Variants in ESRRG observed in about 807,000 individuals in gnomAD.
ESRRG encodes estrogen related receptor gamma.
A neutral mutation model predicts 44.0 loss-of-function variants in ESRRG; 13 were observed. That is an observed-to-expected ratio of 0.30 (90% CI 0.19 to 0.47). The LOEUF (loss-of-function observed/expected upper bound fraction) is 0.47. Among genes scored for constraint, ESRRG ranks in the 20% least tolerant of loss-of-function variants. The pLI is 1.00. For synonymous variants in ESRRG, 215 were observed against 214.6 expected (o/e 1.00, Z -0.02); for missense variants, 395 against 580.6 (o/e 0.68, Z 3.29).
intron 1 of ESRRG, among the ~76,000 whole-genome samples, chr1:217,015,543 C>T (rs1267473266): frequency 6.6e-6 from 1 of 152,016 alleles, no homozygotes; most frequent in East Asian, 1.9e-4. Flanking sequence ...GTGTTTATGT[C>T]ATCCTGATAC....
intron 5 of ESRRG, among the ~76,000 whole-genome samples, chr1:216,534,766 G>A (rs770082931): frequency 2.6e-5 from 4 of 152,118 alleles, no homozygotes; most frequent in Non-Finnish European, 5.9e-5. Flanking sequence ...TTTGACAACC[G>A]TAGGGGTACA....
chr1:217,051,212 G>GA (rs1260907527), intron 1 of ESRRG, among the ~76,000 whole-genome samples: 2 of 124,082 alleles, frequency 1.6e-5, no homozygotes, highest in East Asian at 6.2e-4. Flanking sequence ...GGCGGGGGGG[G>GA]GGGGTGCCAG....
At chr1:217,080,519 G>C (rs766880771) in intron 1 of ESRRG, among the ~76,000 whole-genome samples, 1 of 152,024 alleles carries the variant, frequency 6.6e-6, no homozygotes, top group Non-Finnish European at 1.5e-5. Flanking sequence ...CACGTATCCC[G>C]TACACTGTAG....
intron 2 of ESRRG, among the ~76,000 whole-genome samples, chr1:216,773,770 TG>T (rs760845584): frequency 4.0e-5 from 6 of 151,874 alleles, no homozygotes; most frequent in Non-Finnish European, 7.4e-5. Context: ...AGATGAACAG[TG>T]GGGAGTAAAA....
chr1:216,989,002 C>T (rs570128127), intron 1 of ESRRG, among the ~76,000 whole-genome samples: 1 of 152,296 alleles, frequency 6.6e-6, no homozygotes, highest in East Asian at 1.9e-4. Context: ...CACACTTCCA[C>T]CATGAGACTT....
chr1:216,622,864 A>G (rs896935881), intron 3 of ESRRG, among the ~76,000 whole-genome samples: 13 of 152,058 alleles, frequency 8.5e-5, no homozygotes, highest in African/African-American at 3.1e-4. Flanking sequence ...GAATCTCTCT[A>G]TTTTTAGATG....
intron 1 of ESRRG, among the ~76,000 whole-genome samples, chr1:216,961,007 TC>T (rs2068934996): frequency 6.6e-6 from 1 of 152,154 alleles, no homozygotes; most frequent in African/African-American, 2.4e-5. Context: ...GCTTCTTTCA[TC>T]AGACATCAAA....
At chr1:216,969,020 A>T (rs899994767) in intron 1 of ESRRG, among the ~76,000 whole-genome samples, 1 of 151,966 alleles carries the variant, frequency 6.6e-6, no homozygotes, top group Non-Finnish European at 1.5e-5. Context: ...CTTTGCTTCC[A>T]CTCTTTCTAG....
At chr1:216,649,156 G>A (rs1384691723) in intron 3 of ESRRG, among the ~76,000 whole-genome samples, 1 of 152,008 alleles carries the variant, frequency 6.6e-6, no homozygotes, top group Non-Finnish European at 1.5e-5. Context: ...TGTCCTTCTG[G>A]CAATTTCACA....
chr1:216,904,524 C>T (rs1256576765), intron 2 of ESRRG, among the ~76,000 whole-genome samples: 7 of 152,114 alleles, frequency 4.6e-5, no homozygotes, highest in African/African-American at 1.4e-4. Context: ...TACTATTTTT[C>T]CCCCCTTCTT....
intron 2 of ESRRG, among the ~76,000 whole-genome samples, chr1:216,878,433 G>A (rs1268750484): frequency 6.6e-6 from 1 of 152,090 alleles, no homozygotes; most frequent in African/African-American, 2.4e-5. Flanking sequence ...ATAAGTTAAT[G>A]TCTGCCTTAA....
At chr1:217,088,957 T>C (rs1359371056) in intron 1 of ESRRG, among the ~76,000 whole-genome samples, 1 of 151,642 alleles carries the variant, frequency 6.6e-6, no homozygotes, top group African/African-American at 2.4e-5. Context: ...CTCGGGAAGG[T>C]GAAAGGGTTG....
intron 1 of ESRRG, among the ~76,000 whole-genome samples, chr1:217,044,233 T>G (rs532149473): frequency 3.3e-5 from 5 of 152,284 alleles, no homozygotes; most frequent in Non-Finnish European, 7.4e-5. Flanking sequence ...TTTGGCTACA[T>G]GGAAGTCCTT....
At chr1:216,800,220 C>A (rs368980101) in intron 2 of ESRRG, among the ~76,000 whole-genome samples, 1 of 152,080 alleles carries the variant, frequency 6.6e-6, no homozygotes, top group Admixed American at 6.6e-5. Flanking sequence ...GTCACCAATG[C>A]CCCCAGCACA....
At chr1:216,937,286 C>CA (rs1316734731) in intron 2 of ESRRG, among the ~76,000 whole-genome samples, 1 of 151,782 alleles carries the variant, frequency 6.6e-6, no homozygotes, top group Non-Finnish European at 1.5e-5. Flanking sequence ...CTCGTTTTGC[C>CA]AAAAAGGTAT....
At chr1:216,702,161 A>T (rs931911861) in intron 1 of ESRRG, among the ~76,000 whole-genome samples, 6 of 152,228 alleles carry the variant, frequency 3.9e-5, no homozygotes, top group African/African-American at 1.4e-4. Context: ...AATTTCTTAC[A>T]TATAGTTAGA....
intron 2 of ESRRG, among the ~76,000 whole-genome samples, chr1:216,891,868 C>T (rs1254478338): frequency 7.0e-6 from 1 of 143,776 alleles, no homozygotes; most frequent in African/African-American, 2.6e-5. Flanking sequence ...GGCACCATCT[C>T]AGCTCCCCAC....
chr1:216,893,091 C>T (rs2058012423), intron 2 of ESRRG, among the ~76,000 whole-genome samples: 1 of 152,184 alleles, frequency 6.6e-6, no homozygotes. Flanking sequence ...ATGTACCAAA[C>T]TCAACAAACT....
chr1:216,894,941 ATTTCT>A (rs759348154), intron 2 of ESRRG, among the ~76,000 whole-genome samples: 34 of 152,108 alleles, frequency 2.2e-4, no homozygotes, highest in Non-Finnish European at 3.2e-4. Flanking sequence ...GCTAAAATAT[ATTTCT>A]TTTCAAGTCT....
Sources: gnomAD v4.1 joint callset for allele counts (sites outside exome capture counted in the v4.1 genomes callset) on GRCh38, gnomAD v4.1.1 for gene constraint, MANE v1.5 for transcripts, NCBI Gene and HGNC (gene_info 2026-07-23, HGNC 2026-07-21) for gene names.